The following MCCC1 variants were observed in gnomAD, a reference collection of about 807,000 sequenced individuals.
MCCC1 encodes the protein methylcrotonoyl-CoA carboxylase subunit alpha, mitochondrial.
In MCCC1, 64 loss-of-function variants were observed where a neutral mutation model predicts 83.8. The ratio of observed to expected loss-of-function variants is 0.76; its 90% CI spans 0.62 to 0.94. MCCC1 has a LOEUF of 0.94. MCCC1 is among the 40% of genes least tolerant of loss of function. The pLI, the probability that MCCC1 is intolerant of heterozygous loss-of-function variation, is 0.00. For missense variants in MCCC1, 807 were observed against 904.7 expected (o/e 0.89, Z 1.39); for synonymous variants, 322 against 315.4 (o/e 1.02, Z -0.22).
chr3:183,105,105 G>A (rs181110136), intron 1 of MCCC1, among the ~76,000 whole-genome samples: 2 of 152,346 alleles, frequency 1.3e-5, no homozygotes, highest in East Asian at 3.9e-4. Context: ...AGCACTTTGG[G>A]AGTCCGAGGC....
chr3:183,034,962 G>A (rs1473019977), intron 13 of MCCC1, among the ~76,000 whole-genome samples: 3 of 152,024 alleles, frequency 2.0e-5, no homozygotes, highest in East Asian at 3.9e-4. Context: ...ATTTTTAGTG[G>A]AGATGGGGTT....
At chr3:183,105,554 A>C (rs1390618788) in intron 1 of MCCC1, among the ~76,000 whole-genome samples, 1 of 152,218 alleles carries the variant, frequency 6.6e-6, no homozygotes, top group Non-Finnish European at 1.5e-5. Context: ...CTAGGCAAGA[A>C]AAGTTGTTGG....
At chr3:183,093,092 C>A (rs181692244) in intron 2 of MCCC1, among the ~76,000 whole-genome samples, 2,164 of 152,136 alleles carry the variant, frequency 0.014, 16 homozygotes, top group Non-Finnish European at 0.02. Context: ...CGGGGTTTCA[C>A]CACATTGGCC....
intron 1 of MCCC1, among the ~76,000 whole-genome samples, chr3:183,110,306 C>T (rs997158892): frequency 6.6e-6 from 1 of 151,846 alleles, no homozygotes; most frequent in African/African-American, 2.4e-5. Flanking sequence ...GACTTAGTCA[C>T]AAATCTTTTG....
chr3:183,058,054 T>C (rs1397496076), intron 7 of MCCC1, among the ~76,000 whole-genome samples: 1 of 152,022 alleles, frequency 6.6e-6, no homozygotes, highest in Non-Finnish European at 1.5e-5. Context: ...GAGACTAAAG[T>C]AGGGATACGT....
intron 12 of MCCC1, among the ~76,000 whole-genome samples, chr3:183,038,183 T>C (rs2108472487): frequency 6.6e-6 from 1 of 152,280 alleles, no homozygotes; most frequent in South Asian, 2.1e-4. Context: ...ACAATATCTG[T>C]AAACAGGTAT....
chr3:183,034,772 T>C (rs1037469380), intron 13 of MCCC1, among the ~76,000 whole-genome samples: 2 of 138,138 alleles, frequency 1.4e-5, no homozygotes, highest in East Asian at 2.0e-4. Context: ...CCAGCCCTTA[T>C]AGGCCTTTTT....
chr3:183,054,128 C>T (rs1013228666), intron 8 of MCCC1, among the ~76,000 whole-genome samples: 2 of 150,648 alleles, frequency 1.3e-5, no homozygotes, highest in Non-Finnish European at 2.9e-5. Flanking sequence ...GTGATCCGCC[C>T]GTCTCAGCCT....
chr3:183,057,006 T>C (rs1715471065), intron 8 of MCCC1, among the ~76,000 whole-genome samples: 1 of 152,220 alleles, frequency 6.6e-6, no homozygotes, highest in African/African-American at 2.4e-5. Context: ...TTCATTACAA[T>C]TTAAAATGTG....
chr3:183,105,620 T>C (rs556721666), intron 1 of MCCC1, among the ~76,000 whole-genome samples: 1 of 152,144 alleles, frequency 6.6e-6, no homozygotes, highest in Non-Finnish European at 1.5e-5. Flanking sequence ...TTGCATCTTT[T>C]GCGTTTCGTA....
intron 1 of MCCC1, among the ~76,000 whole-genome samples, chr3:183,107,738 G>T (rs1022878028): frequency 6.6e-6 from 1 of 151,728 alleles, no homozygotes; most frequent in Non-Finnish European, 1.5e-5. Flanking sequence ...TTGTAGAAAC[G>T]GAGGTTTCAC....
At chr3:183,090,137 G>A (rs889132040) in intron 3 of MCCC1, among the ~76,000 whole-genome samples, 1 of 152,192 alleles carries the variant, frequency 6.6e-6, no homozygotes, top group Non-Finnish European at 1.5e-5. Flanking sequence ...TCTGGTAGAT[G>A]GGTAGGGTCC....
intron 18 of MCCC1, among the ~76,000 whole-genome samples, chr3:183,016,855 T>C (rs1711682886): frequency 6.6e-6 from 1 of 152,250 alleles, no homozygotes; most frequent in African/African-American, 2.4e-5. Context: ...GGTTTTCACT[T>C]TGAAACTGAT....
Position 183,108,662 on chromosome 3 carries a change from G to A in MCCC1, c.-102+6812C>T, listed in dbSNP as rs138009902. ...ATACTGGGGGGAGGAAGTGGAAGTG[G>A]AGGTACAGAGTTAGAAGCTGGTGTG... On this transcript the variant is annotated intron_variant, in intron 1 of 17. Coordinates refer to the MCCC1 transcript ENST00000492597. Among the ~76,000 whole-genome samples, 902 of 152,304 alleles carry A rather than the reference G, an allele frequency of 5.9e-3. 4 individuals are homozygous for A. The highest frequency in any genetic ancestry group is 9.8e-3 in the Non-Finnish European group (669 of 68,020).
chr3:183,108,132 A>T (rs1719436303), intron 1 of MCCC1, among the ~76,000 whole-genome samples: 2 of 152,166 alleles, frequency 1.3e-5, no homozygotes, highest in South Asian at 4.1e-4. Context: ...AGGAAGAAAA[A>T]GTGTGTTATG....
At chr3:183,084,913 T>C (rs1717779035) in intron 4 of MCCC1, among the ~76,000 whole-genome samples, 1 of 151,892 alleles carries the variant, frequency 6.6e-6, no homozygotes, top group Admixed American at 6.6e-5. Context: ...TAAAAACAAA[T>C]TGAGGACTAT....
At chr3:183,098,990 C>G (rs776596318) in intron 1 of MCCC1, 2 of 397,306 alleles carry the variant, frequency 5.0e-6, no homozygotes, top group Non-Finnish European at 9.4e-6. Context: ...TCCCCGGAAC[C>G]GGATTATAAC....
intron 7 of MCCC1, among the ~76,000 whole-genome samples, chr3:183,057,891 C>T (rs1715543744): frequency 1.3e-5 from 2 of 151,988 alleles, no homozygotes; most frequent in East Asian, 3.9e-4. Flanking sequence ...AAACTATAAT[C>T]TTGTAAAACT....
In MCCC1 at chr3:183,072,457, C is replaced by T. The variant is rs1229069160; in HGVS notation, c.400G>A (p.Glu134Lys). 1 of 1,613,810 alleles carries T rather than the reference C, an allele frequency of 6.2e-7. No homozygotes were observed. The highest frequency in any genetic ancestry group is 8.5e-7 in the Non-Finnish European group (1 of 1,179,888). The change falls in exon 5 of 19, where the codon GAA (glutamate) becomes AAA (lysine). Residue 134 changes from glutamate to lysine, a missense_variant. Coordinates refer to ENST00000265594, the MANE Select transcript of MCCC1 (RefSeq NM_020166.5). ...AIHPGCGFLS[E>K]NMEFAELCKQ... ...CAAAGTTCAGCAAATTCCATGTTTT[C>T]TGAGAGAAAACCGCATCCTGGATGG...
Sources: allele counts gnomAD v4.1 joint callset (sites outside exome capture counted in the v4.1 genomes callset), GRCh38; gene constraint gnomAD v4.1.1; transcripts MANE v1.5; gene names NCBI Gene and HGNC (gene_info 2026-07-23, HGNC 2026-07-21).